CLOCK: variants seen among roughly 807,000 people sequenced by gnomAD.
CLOCK encodes circadian locomoter output cycles protein kaput.
In CLOCK, 43 loss-of-function variants were observed where a neutral mutation model predicts 118.4. The ratio of observed to expected loss-of-function variants is 0.36; its 90% CI spans 0.28 to 0.47. The LOEUF (loss-of-function observed/expected upper bound fraction) is 0.47, where lower values mean the gene tolerates loss of function less well. CLOCK is among the 20% of genes least tolerant of loss of function. CLOCK has a pLI of 1.00. For missense variants in CLOCK, 846 were observed against 999.9 expected, an observed-to-expected ratio of 0.85 and a Z score of 2.08; for synonymous variants, 326 against 339.2, an observed-to-expected ratio of 0.96 and a Z score of 0.43.
chr4:55,448,600 G>A (rs1276395181), intron 18 of CLOCK, among the ~76,000 whole-genome samples, 179 bp downstream of exon 18: 1 of 52,062 alleles, frequency 1.9e-5, no homozygotes, highest in Non-Finnish European at 3.6e-5. Context: ...GCGCACGCGC[G>A]CGTGTGTGTG....
chr4:55,439,293 A>C (rs989392343), intron 21 of CLOCK, among the ~76,000 whole-genome samples: 2 of 152,206 alleles, frequency 1.3e-5, no homozygotes. Flanking sequence ...AGGGAAATAC[A>C]AATCAAAACC....
At chr4:55,437,851 A>G (rs1410099414) in intron 22 of CLOCK, among the ~76,000 whole-genome samples, 1 of 152,226 alleles carries the variant, frequency 6.6e-6, no homozygotes, top group Non-Finnish European at 1.5e-5. Context: ...TTACAACTGA[A>G]AAATTATAAT....
intron 18 of CLOCK, among the ~76,000 whole-genome samples, 158 bp downstream of exon 18, chr4:55,448,621 T>C (rs1012813378): frequency 1.5e-3 from 232 of 151,584 alleles, no homozygotes; most frequent in African/African-American, 5.2e-3. Flanking sequence ...TGTGTGTGTG[T>C]GTGTGTGTGT....
chr4:55,448,897 G>T (rs1458894844), intron 17 of CLOCK, 29 bp from the exon 18 acceptor site: 1 of 1,517,120 alleles, frequency 6.6e-7, no homozygotes. Flanking sequence ...TAACACTGAA[G>T]TGATTCTCAT....
intron 1 of CLOCK, among the ~76,000 whole-genome samples, chr4:55,524,794 T>C (rs1730065487): frequency 6.6e-6 from 1 of 152,222 alleles, no homozygotes; most frequent in Admixed American, 6.5e-5. Context: ...ATTTTTCCTC[T>C]TTGCCATAAT....
In CLOCK at chr4:55,432,447, GA is replaced by G. The variant is rs988933442; in HGVS notation, c.*2967del. 4 of 143,588 alleles carry G rather than the reference GA, an allele frequency of 2.8e-5. No homozygotes were observed. Among genetic ancestry groups the G allele is most frequent in the Non-Finnish European group, 4.6e-5 (3 of 65,752 alleles). 8.9% of individuals were successfully genotyped at this position (143,588 alleles called of 1,614,324 possible). A position where few individuals can be genotyped will look rare whatever the true frequency, so the allele number is the denominator to read the frequency against. On this transcript the variant is annotated 3_prime_UTR_variant, in exon 23 of 23. Transcript: ENST00000513440. ...TACCACCCAGAATAAGTGTTTTTAA[GA>G]AAGTGAGAATAAAGCAGAGGGAAGA...
At chr4:55,499,381 T>C (rs1577803432) in intron 2 of CLOCK, among the ~76,000 whole-genome samples, 1 of 152,238 alleles carries the variant, frequency 6.6e-6, no homozygotes, top group Non-Finnish European at 1.5e-5. Flanking sequence ...ACAGCGGGGA[T>C]GGTTTCTGGA....
chr4:55,469,478 A>G (rs1725974972), intron 8 of CLOCK, among the ~76,000 whole-genome samples: 2 of 152,214 alleles, frequency 1.3e-5, no homozygotes, highest in African/African-American at 4.8e-5. Flanking sequence ...CTGTTATTAC[A>G]GGAGATGACT....
chr4:55,499,668 G>C (rs559982775), intron 2 of CLOCK, among the ~76,000 whole-genome samples: 3 of 152,292 alleles, frequency 2.0e-5, no homozygotes, highest in Non-Finnish European at 4.4e-5. Context: ...AGTACCAATC[G>C]TTGTTTCAGT....
At chr4:55,474,720 G>C (rs1466724045) in intron 7 of CLOCK, among the ~76,000 whole-genome samples, 3 of 152,140 alleles carry the variant, frequency 2.0e-5, no homozygotes, top group Admixed American at 6.6e-5. Context: ...CCTATAAATA[G>C]AGCAACAAAC....
chr4:55,537,548 G>T (rs755211645), intron 1 of CLOCK, among the ~76,000 whole-genome samples: 7 of 152,114 alleles, frequency 4.6e-5, no homozygotes, highest in African/African-American at 1.7e-4. Flanking sequence ...AGCCTGAGAC[G>T]TCGACACTGT....
At chr4:55,474,847 T>C (rs1471471740) in intron 7 of CLOCK, among the ~76,000 whole-genome samples, 3 of 152,228 alleles carry the variant, frequency 2.0e-5, no homozygotes, top group African/African-American at 7.2e-5. Flanking sequence ...CAAAATACTA[T>C]TGCTCGCTGA....
intron 2 of CLOCK, among the ~76,000 whole-genome samples, chr4:55,492,798 T>C (rs1021726878): frequency 2.6e-5 from 4 of 152,038 alleles, no homozygotes; most frequent in Non-Finnish European, 5.9e-5. Flanking sequence ...TGAGCCGAGA[T>C]AGCGCCACTG....
chr4:55,453,056 T>C lies in CLOCK; in HGVS notation c.1204A>G (p.Lys402Glu). 1.9e-6 allele frequency: 3 copies of C among 1,606,346 alleles called. No individual in the cohort carries two copies. Among genetic ancestry groups the C allele is most frequent in the South Asian group, 1.1e-5 (1 of 89,702 alleles). Residue 402 changes from lysine to glutamate, a missense_variant and splice_region_variant, in exon 15 of 23, where the codon AAA (lysine) becomes GAA (glutamate). Lys to Glu is a moderately conservative substitution (Grantham distance 56). Coordinates refer to ENST00000513440, the MANE Select transcript of CLOCK (RefSeq NM_004898.4). ...EESLPETAAD[K>E]SQDSGSDNRI... Reference sequence around the variant, plus strand: ...TTTTTTAATTATAAGAAACATACTTTGTCAGCAGCTGTCTCAGGAAGAGAC... The same window carrying C: ...TTTTTTAATTATAAGAAACATACTTCGTCAGCAGCTGTCTCAGGAAGAGAC...
chr4:55,488,813 G>A (rs1727481511), intron 3 of CLOCK, among the ~76,000 whole-genome samples: 2 of 152,066 alleles, frequency 1.3e-5, no homozygotes, highest in African/African-American at 4.8e-5. Flanking sequence ...ACAGCTCACT[G>A]TAGCGTCAAC....
At chr4:55,485,994 C>G (rs1413494701) in intron 3 of CLOCK, among the ~76,000 whole-genome samples, 2 of 152,176 alleles carry the variant, frequency 1.3e-5, no homozygotes, top group Non-Finnish European at 2.9e-5. Context: ...AACTTGAGAT[C>G]AGAGTCATCT....
chr4:55,456,160 T>C, intron 12 of CLOCK, 58 bp downstream of exon 12: 2 of 1,402,122 alleles, frequency 1.4e-6, no homozygotes, highest in Non-Finnish European at 2.0e-6. Context: ...GATCCATTAA[T>C]TTCAAGAATT....
At chr4:55,457,347 C>G (rs529453042) in intron 11 of CLOCK, among the ~76,000 whole-genome samples, 2 of 152,286 alleles carry the variant, frequency 1.3e-5, no homozygotes, top group African/African-American at 4.8e-5. Context: ...GTGGCCATTA[C>G]TAAATCTTTT....
rs193200314 is a variant in CLOCK at position 55,525,391 on chromosome 4, C to T, written c.-289-15326G>A. Among the ~76,000 whole-genome samples the T allele has an allele frequency of 4.3e-3, 662 of 152,294 alleles. 2 individuals are homozygous for T. Among genetic ancestry groups the T allele is most frequent in the South Asian group, 1.0e-2 (48 of 4,822 alleles). ...TCAGAAGTCTGAGGCAAGAAGATCACGTGAGCCCAGGAATTGGTAATTATG... is the reference window on the plus strand; with the variant it reads ...TCAGAAGTCTGAGGCAAGAAGATCATGTGAGCCCAGGAATTGGTAATTATG... On this transcript the variant is annotated intron_variant, in intron 1 of 22. Coordinates refer to ENST00000513440, the MANE Select transcript of CLOCK (RefSeq NM_004898.4).
Sources: allele counts gnomAD v4.1 joint callset (sites outside exome capture counted in the v4.1 genomes callset), GRCh38; gene constraint gnomAD v4.1.1; transcripts MANE v1.5; gene names NCBI Gene and HGNC (gene_info 2026-07-23, HGNC 2026-07-21).